SH2D3C: variants seen among roughly 807,000 people sequenced by gnomAD.
SH2D3C encodes SH2 domain containing 3C, also known as SH2 domain-containing protein 3C.
Under a neutral mutation model 75.2 loss-of-function variants are expected in SH2D3C, and 25 were observed. The ratio of observed to expected loss-of-function variants is 0.33; its 90% confidence interval spans 0.24 to 0.46. The LOEUF is 0.46. Among genes scored for constraint, SH2D3C ranks in the 20% least tolerant of loss-of-function variants. The pLI, the probability that SH2D3C is intolerant of heterozygous loss-of-function variation, is 1.00. For synonymous variants in SH2D3C, 450 were observed against 473.7 expected (o/e 0.95, Z 0.65); for missense variants, 933 against 1,165.3 (o/e 0.80, Z 2.90).
At chr9:127,755,070 C>T in intron 3 of SH2D3C, 1 of 1,194,510 alleles carries the variant, frequency 8.4e-7, no homozygotes, top group Non-Finnish European at 1.0e-6. Flanking sequence ...GGCCGAGCCG[C>T]CCCCTCACCT....
At chr9:127,745,248 G>A (rs577512999) in intron 6 of SH2D3C, 149 bp from the exon 7 acceptor site, 1 of 610,956 alleles carries the variant, frequency 1.6e-6, no homozygotes, top group South Asian at 5.3e-5. Context: ...AGAGACCAGG[G>A]CCGATTGACT....
rs1845544593 is a variant in SH2D3C at position 127,762,181 on chromosome 9, A to C, written c.516-531T>G. 5.9e-6 allele frequency: 7 copies of C among 1,183,048 alleles called. No homozygotes were observed. In the South Asian group the frequency reaches 1.1e-4, roughly 19 times the overall value. 73.3% of individuals were successfully genotyped at this position (1,183,048 alleles called of 1,614,324 possible). On this transcript the variant is annotated intron_variant, in intron 2 of 11. Coordinates refer to ENST00000314830, the MANE Select transcript of SH2D3C (RefSeq NM_170600.3). ...ACGGCCACTGCCCAGCTGACTGCGG[A>C]GCCACTGCCGGTGCTAGAGGGCTAC...
chr9:127,743,332 A>G (rs773792403), intron 7 of SH2D3C, among the ~76,000 whole-genome samples: 6 of 152,100 alleles, frequency 3.9e-5, no homozygotes, highest in Non-Finnish European at 7.4e-5. Flanking sequence ...GCGAAACCCC[A>G]TCTCTACCAA....
chr9:127,762,328 G>A, intron 2 of SH2D3C: 1 of 1,299,708 alleles, frequency 7.7e-7, no homozygotes, highest in Non-Finnish European at 1.0e-6. Context: ...GGCCTTAAAT[G>A]CTACCCCTAC....
intron 5 of SH2D3C, 97 bp from the exon 6 acceptor site, chr9:127,747,368 C>G (rs1845064016): frequency 8.4e-7 from 1 of 1,186,186 alleles, no homozygotes; most frequent in Admixed American, 2.8e-5. Flanking sequence ...ACTTCAGAGG[C>G]AGAGAAGGCT....
At chr9:127,750,359 G>A (rs1845165772) in intron 4 of SH2D3C, among the ~76,000 whole-genome samples, 1 of 151,838 alleles carries the variant, frequency 6.6e-6, no homozygotes, top group Admixed American at 6.6e-5. Flanking sequence ...TTCACCATGT[G>A]GGCCAGGCTG....
Position 127,738,745 on chromosome 9 carries a change from G to A in SH2D3C, c.*1C>T, listed in dbSNP as rs1031576228. On this transcript the variant is annotated 3_prime_UTR_variant, in exon 12 of 12. Coordinates refer to ENST00000314830, the MANE Select transcript of SH2D3C (RefSeq NM_170600.3). This position sits in a 1 kb window ranked among gnomAD's most constrained non-coding sequence, Gnocchi z 5.0. ...GCTGCAGAGGGGAAATGTCCCTGGG[G>A]TCACAGCTCGCTGGAGCGGACAGCA... The A allele has an allele frequency of 1.9e-6, 3 of 1,592,986 alleles. No homozygotes were observed. Among genetic ancestry groups the A allele is most frequent in the Non-Finnish European group, 2.6e-6 (3 of 1,168,612 alleles).
intron 5 of SH2D3C, among the ~76,000 whole-genome samples, chr9:127,748,351 T>A (rs1391384264): frequency 5.9e-5 from 9 of 152,110 alleles, no homozygotes; most frequent in African/African-American, 2.2e-4. Flanking sequence ...TATCCATTCA[T>A]CAATTCCTTG....
chr9:127,775,668 GAC>G (rs1845798611), intron 1 of SH2D3C, among the ~76,000 whole-genome samples: 1 of 148,768 alleles, frequency 6.7e-6, no homozygotes, highest in African/African-American at 2.5e-5. Context: ...AAGTTAGCTG[GAC>G]ATGCTGGTGT....
At chr9:127,778,474 G>GA in intron 1 of SH2D3C, 117 bp downstream of exon 1, 2 of 910,686 alleles carry the variant, frequency 2.2e-6, no homozygotes, top group Non-Finnish European at 3.7e-6. Context: ...AACAAAAAAA[G>GA]AAAAAGAGTG....
chr9:127,755,145 G>T, intron 3 of SH2D3C: 1 of 1,219,186 alleles, frequency 8.2e-7, no homozygotes. Context: ...TCCACAGGCT[G>T]CACCGCTCGG....
At chr9:127,747,306 G>A (rs568325742) in intron 5 of SH2D3C, 35 bp from the exon 6 acceptor site, 25 of 1,593,114 alleles carry the variant, frequency 1.6e-5, no homozygotes, top group East Asian at 6.7e-5. Flanking sequence ...CAGGGAGCCC[G>A]GAGGTCAGGG....
chr9:127,740,085 A>G (rs770988108), intron 10 of SH2D3C, among the ~76,000 whole-genome samples, 173 bp downstream of exon 10: 11 of 152,154 alleles, frequency 7.2e-5, no homozygotes, highest in Admixed American at 2.0e-4. Flanking sequence ...GCCCAGCCCC[A>G]AGGGCTGAGC....
At chr9:127,766,323 C>T (rs1588520788) in intron 2 of SH2D3C, among the ~76,000 whole-genome samples, 2 of 152,354 alleles carry the variant, frequency 1.3e-5, no homozygotes, top group East Asian at 1.9e-4. Flanking sequence ...AGCTTTTCCC[C>T]TGCCCCTGAT....
At chr9:127,743,373 C>T (rs558259661) in intron 7 of SH2D3C, among the ~76,000 whole-genome samples, 1 of 152,254 alleles carries the variant, frequency 6.6e-6, no homozygotes, top group African/African-American at 2.4e-5. Flanking sequence ...TATAGTGGCG[C>T]GTGCCTGTAG....
chr9:127,768,745 G>A (rs1488129964), intron 2 of SH2D3C, among the ~76,000 whole-genome samples: 1 of 152,158 alleles, frequency 6.6e-6, no homozygotes, highest in Non-Finnish European at 1.5e-5. Context: ...TACGTTATCT[G>A]CTCCCATTTC....
chr9:127,755,216 A>G, intron 3 of SH2D3C: 1 of 1,082,434 alleles, frequency 9.2e-7, no homozygotes, highest in South Asian at 4.4e-5. Flanking sequence ...CCGGCGGGGC[A>G]GGGGCGCAGG....
In SH2D3C at chr9:127,749,681, T is replaced by A. The variant is rs754787336; in HGVS notation, c.685-16A>T. ...TCTCCGAGACCTGCAGAAGGCATGG[T>A]TAGGCTGGAGTAGGGTGGGGCCAGG... On this transcript the variant is annotated splice_polypyrimidine_tract_variant and intron_variant, in intron 4 of 11. Coordinates refer to ENST00000314830, the MANE Select transcript of SH2D3C (RefSeq NM_170600.3). The surrounding 1 kb of genome is among the most constrained non-coding windows in gnomAD (Gnocchi z 5.9). The A allele has an allele frequency of 6.6e-7, 1 of 1,518,276 alleles. No homozygotes were observed. Among genetic ancestry groups the A allele is most frequent in the Non-Finnish European group, 8.9e-7 (1 of 1,128,808 alleles). 94.1% of individuals were successfully genotyped at this position (1,518,276 alleles called of 1,614,324 possible).
chr9:127,762,344 G>C (rs1845549207), intron 2 of SH2D3C: 2 of 1,302,204 alleles, frequency 1.5e-6, no homozygotes, highest in Non-Finnish European at 2.0e-6. Flanking sequence ...CCTACCCTCA[G>C]GCAGCCTGGA....
Sources: allele counts gnomAD v4.1 joint callset (sites outside exome capture counted in the v4.1 genomes callset), GRCh38; gene constraint gnomAD v4.1.1; non-coding constraint Gnocchi (gnomAD v3.1); transcripts MANE v1.5; gene names NCBI Gene and HGNC (gene_info 2026-07-23, HGNC 2026-07-21).